Variants in KIRREL3 observed in about 807,000 individuals in gnomAD.
KIRREL3 encodes the protein kin of IRRE-like protein 3.
KIRREL3 carries 36 observed loss-of-function variants against 89.7 expected under a neutral mutation model. The observed-to-expected ratio is 0.40, with a 90% CI of 0.31 to 0.53. KIRREL3 has a LOEUF of 0.53. Among genes scored for constraint, KIRREL3 ranks in the 20% least tolerant of loss-of-function variants. The pLI is 0.49. For synonymous variants in KIRREL3, 445 were observed against 441.4 expected, an observed-to-expected ratio of 1.01 and a Z score of -0.10; for missense variants, 864 against 1,056.6, an observed-to-expected ratio of 0.82 and a Z score of 2.53.
Position 126,965,644 on chromosome 11 carries a change from G to A in KIRREL3, c.55+34811C>T, listed in dbSNP as rs763522399. Among the ~76,000 whole-genome samples, 17 of 152,162 alleles carry A rather than the reference G, an allele frequency of 1.1e-4. No homozygotes were observed. Among genetic ancestry groups the A allele is most frequent in the Non-Finnish European group, 1.8e-4 (12 of 68,032 alleles). ...TATAAAATTTTGGTTCTTTGCTGAT[G>A]GAGAGGTCAGAGCCATGGATAATCG... is the stretch of plus-strand genomic sequence containing the variant. On this transcript the variant is annotated intron_variant, in intron 1 of 16. Transcript: ENST00000525144. This position sits in a 1 kb window ranked among gnomAD's most constrained non-coding sequence, Gnocchi z 4.4.
At position 126,729,420 on chromosome 11, in the gene KIRREL3, G is replaced by A. The variant is rs577678453; in HGVS notation, c.56-166508C>T. On this transcript the variant is annotated intron_variant, in intron 1 of 16. Coordinates refer to ENST00000525144, the MANE Select transcript of KIRREL3 (RefSeq NM_032531.4). This position sits in a 1 kb window ranked among gnomAD's most constrained non-coding sequence, Gnocchi z 4.5. ...CATTTTAGGGACATATTGCAGGAGA[G>A]ACAGGAAATTGAAATTGGCGCCATT... Among the ~76,000 whole-genome samples the A allele has an allele frequency of 9.8e-5, 15 of 152,312 alleles. No homozygotes were observed. The highest frequency in any genetic ancestry group is 1.6e-4 in the Non-Finnish European group (11 of 68,020).
In KIRREL3 at chr11:126,462,972, A is replaced by G. The variant is rs1332183223; in HGVS notation, c.742+185T>C. Among the ~76,000 whole-genome samples, 1 of 152,178 alleles carries G rather than the reference A, an allele frequency of 6.6e-6. No homozygotes were observed. The highest frequency in any genetic ancestry group is 1.5e-5 in the Non-Finnish European group (1 of 68,034). On this transcript the variant is annotated intron_variant, in intron 6 of 16. Coordinates refer to ENST00000525144, the MANE Select transcript of KIRREL3 (RefSeq NM_032531.4). This position sits in a 1 kb window ranked among gnomAD's most constrained non-coding sequence, Gnocchi z 4.8. Reference sequence around the variant, plus strand: ...CCTTTGCGAAAGACCCTCATCTGTGAGGTTGCATCTCATGACAGTAAGGAA... The same window carrying G: ...CCTTTGCGAAAGACCCTCATCTGTGGGGTTGCATCTCATGACAGTAAGGAA...
intron 5 of KIRREL3, among the ~76,000 whole-genome samples, chr11:126,468,035 G>C (rs1056821099): frequency 2.0e-5 from 3 of 152,170 alleles, no homozygotes; most frequent in Non-Finnish European, 4.4e-5. Flanking sequence ...TGGTGGTAGG[G>C]GTAGAGGGCA....
At chr11:126,757,862 T>C (rs1949554508) in intron 1 of KIRREL3, among the ~76,000 whole-genome samples, 2 of 152,204 alleles carry the variant, frequency 1.3e-5, no homozygotes, top group African/African-American at 2.4e-5. Flanking sequence ...CATCTGTACA[T>C]TGAGATACTA....
chr11:126,746,904 C>A (rs189545607), intron 1 of KIRREL3, among the ~76,000 whole-genome samples: 3 of 152,306 alleles, frequency 2.0e-5, no homozygotes, highest in East Asian at 3.9e-4. Flanking sequence ...AACAGCCTCA[C>A]GTGGCCCTGA....
chr11:126,775,857 C>T lies in KIRREL3; in HGVS notation c.56-212945G>A, dbSNP rs903745408. On this transcript the variant is annotated intron_variant, in intron 1 of 16. Coordinates refer to ENST00000525144, the MANE Select transcript of KIRREL3 (RefSeq NM_032531.4). ...CTTCTCAATCCAAGCATGGGCTCTTCCACACATCACACTGGCAATGTCCGT... is the reference window on the plus strand; with the variant it reads ...CTTCTCAATCCAAGCATGGGCTCTTTCACACATCACACTGGCAATGTCCGT... 2.0e-5 allele frequency among the ~76,000 whole-genome samples: 3 copies of T among 152,162 alleles called. No homozygotes were observed. In the East Asian group the frequency reaches 5.8e-4, roughly 29 times the overall value.
chr11:126,849,018 T>C (rs990534833), intron 1 of KIRREL3, among the ~76,000 whole-genome samples: 2 of 152,224 alleles, frequency 1.3e-5, no homozygotes, highest in African/African-American at 4.8e-5. Flanking sequence ...GAATAGGGGC[T>C]GGATAAAATA....
In KIRREL3 at chr11:126,608,967, G is replaced by A. The variant is rs1205964573; in HGVS notation, c.56-46055C>T. Among the ~76,000 whole-genome samples the A allele has an allele frequency of 6.6e-6, 1 of 152,142 alleles. No homozygotes were observed. Among genetic ancestry groups the A allele is most frequent in the Non-Finnish European group, 1.5e-5 (1 of 68,020 alleles). ...TTCCTGTGGGTCAGAGTACAGGGTG[G>A]GTAGCAGAAACAATCAGGCCAGAGG... On this transcript the variant is annotated intron_variant, in intron 1 of 16. Transcript: ENST00000525144. The surrounding 1 kb of genome is among the most constrained non-coding windows in gnomAD (Gnocchi z 4.9).
intron 1 of KIRREL3, among the ~76,000 whole-genome samples, chr11:126,894,907 A>G (rs1946088866): frequency 6.6e-6 from 1 of 152,292 alleles, no homozygotes; most frequent in Admixed American, 6.5e-5. Flanking sequence ...GACTAGACAC[A>G]CAGTGGAGGG....
At chr11:126,886,693 C>A (rs1325469100) in intron 1 of KIRREL3, among the ~76,000 whole-genome samples, 1 of 152,148 alleles carries the variant, frequency 6.6e-6, no homozygotes, top group East Asian at 1.9e-4. Context: ...GAGAGCCAAG[C>A]TCTGCAATCA....
chr11:126,552,543 G>T (rs2134540795), intron 2 of KIRREL3, among the ~76,000 whole-genome samples: 1 of 128,132 alleles, frequency 7.8e-6, no homozygotes, highest in Admixed American at 8.1e-5. Context: ...ACAGGGGAGA[G>T]AGAAAAGTTT....
rs1159875515 is a variant in KIRREL3, at chr11:126,516,362, C to A, written c.433+4953G>T. On this transcript the variant is annotated intron_variant, in intron 4 of 16. Coordinates refer to ENST00000525144, the MANE Select transcript of KIRREL3 (RefSeq NM_032531.4). This position sits in a 1 kb window ranked among gnomAD's most constrained non-coding sequence, Gnocchi z 4.9. The stretch of plus-strand genomic sequence containing the variant: ...TTAATAATTAATCTGATGCCAACAT[C>A]CCCTCCTCCCACTTCTGATCCCCCC... Among the ~76,000 whole-genome samples, 1 of 152,108 alleles carries A rather than the reference C, an allele frequency of 6.6e-6. No individual in the cohort carries two copies.
chr11:126,788,431 C>T lies in KIRREL3; in HGVS notation c.55+212024G>A, dbSNP rs954815837. ...GACAGGGCTGTGCTTCTTCCCTTGC[C>T]TCCTCTGTCCATGTTCTAACAGGAG... On this transcript the variant is annotated intron_variant, in intron 1 of 16. Transcript: ENST00000525144. The surrounding 1 kb of genome is among the most constrained non-coding windows in gnomAD (Gnocchi z 4.1). Among the ~76,000 whole-genome samples, 1 of 152,194 alleles carries T rather than the reference C, an allele frequency of 6.6e-6. No individual in the cohort carries two copies. Among genetic ancestry groups the T allele is most frequent in the African/African-American group, 2.4e-5 (1 of 41,438 alleles).
intron 1 of KIRREL3, among the ~76,000 whole-genome samples, chr11:126,902,918 G>A (rs1417142189): frequency 6.6e-6 from 1 of 152,088 alleles, no homozygotes; most frequent in Non-Finnish European, 1.5e-5. Context: ...CAGAGATCCA[G>A]ATAGCAAAAT....
chr11:126,816,832 A>G (rs148060625), intron 1 of KIRREL3, among the ~76,000 whole-genome samples: 1 of 152,244 alleles, frequency 6.6e-6, no homozygotes, highest in Non-Finnish European at 1.5e-5. Context: ...ATAATCGTTC[A>G]GGAAACAAAC....
At chr11:126,536,033 A>G (rs1937836111) in intron 2 of KIRREL3, among the ~76,000 whole-genome samples, 1 of 151,828 alleles carries the variant, frequency 6.6e-6, no homozygotes, top group Non-Finnish European at 1.5e-5. Context: ...AATCCATAGA[A>G]CCTGGGAGGC....
chr11:126,860,620 T>C lies in KIRREL3; in HGVS notation c.55+139835A>G, dbSNP rs945168181. The stretch of plus-strand genomic sequence containing the variant: ...GGATTAGGGCTGAAGAGTTGGGACC[T>C]ACCCTATAAACAACGTATAGTTGTT... On this transcript the variant is annotated intron_variant, in intron 1 of 16. Coordinates refer to ENST00000525144, the MANE Select transcript of KIRREL3 (RefSeq NM_032531.4). This position sits in a 1 kb window ranked among gnomAD's most constrained non-coding sequence, Gnocchi z 4.6. Among the ~76,000 whole-genome samples, 2 of 152,186 alleles carry C rather than the reference T, an allele frequency of 1.3e-5. No homozygotes were observed. The highest frequency in any genetic ancestry group is 2.1e-4 in the South Asian group (1 of 4,826).
At chr11:126,559,643 G>C (rs930899795) in intron 2 of KIRREL3, among the ~76,000 whole-genome samples, 1 of 152,000 alleles carries the variant, frequency 6.6e-6, no homozygotes, top group African/African-American at 2.4e-5. Context: ...TTTACTGTGA[G>C]CTCCTTGAGG....
Position 126,647,887 on chromosome 11 carries a change from G to A in KIRREL3, c.56-84975C>T, listed in dbSNP as rs1364177556. Among the ~76,000 whole-genome samples, 1 of 152,132 alleles carries A rather than the reference G, an allele frequency of 6.6e-6. No individual in the cohort carries two copies. Among genetic ancestry groups the A allele is most frequent in the Non-Finnish European group, 1.5e-5 (1 of 68,028 alleles). On this transcript the variant is annotated intron_variant, in intron 1 of 16. Coordinates refer to ENST00000525144, the MANE Select transcript of KIRREL3 (RefSeq NM_032531.4). This position sits in a 1 kb window ranked among gnomAD's most constrained non-coding sequence, Gnocchi z 4.9. ...CTCCATGACTCATGGTGCTCTCCGGGGTCTGGCCTCGTTGTTACACTTTGA... is the reference window on the plus strand; with the variant it reads ...CTCCATGACTCATGGTGCTCTCCGGAGTCTGGCCTCGTTGTTACACTTTGA...
Sources: allele counts gnomAD v4.1 joint callset (sites outside exome capture counted in the v4.1 genomes callset), GRCh38; gene constraint gnomAD v4.1.1; non-coding constraint Gnocchi (gnomAD v3.1); transcripts MANE v1.5; gene names NCBI Gene and HGNC (gene_info 2026-07-23, HGNC 2026-07-21).